ALK: variants seen among roughly 807,000 people sequenced by gnomAD.
ALK encodes the protein ALK receptor tyrosine kinase.
ALK carries 74 observed loss-of-function variants against 163.1 expected under a neutral mutation model. The observed-to-expected ratio is 0.45, with a 90% CI of 0.38 to 0.55. The LOEUF (loss-of-function observed/expected upper bound fraction) is 0.55. Ranked by LOEUF, ALK falls within the 20% of genes least tolerant of loss-of-function variation. The pLI is 0.00. For synonymous variants in ALK, 960 were observed against 843.2 expected (o/e 1.14, Z -2.40); for missense variants, 2,063 against 2,105.3 (o/e 0.98, Z 0.39).
intron 1 of ALK, among the ~76,000 whole-genome samples, chr2:29,901,709 G>A (rs1414831232): frequency 6.6e-6 from 1 of 152,170 alleles, no homozygotes; most frequent in Non-Finnish European, 1.5e-5. Context: ...AATATAAATT[G>A]TTGCTTTCCT....
intron 11 of ALK, among the ~76,000 whole-genome samples, chr2:29,255,004 T>TAAA (rs1404126005): frequency 2.6e-5 from 4 of 152,232 alleles, no homozygotes; most frequent in Non-Finnish European, 4.4e-5. Context: ...AAGTGGATTC[T>TAAA]GTGGGAAGAG....
chr2:29,634,056 G>T (rs915333435), intron 3 of ALK, among the ~76,000 whole-genome samples: 1 of 151,818 alleles, frequency 6.6e-6, no homozygotes, highest in South Asian at 2.1e-4. Flanking sequence ...ATATTTTAGA[G>T]AAAGAGTCTC....
At chr2:29,343,208 A>ATTT (rs1558684282) in intron 5 of ALK, among the ~76,000 whole-genome samples, 1 of 136,334 alleles carries the variant, frequency 7.3e-6, no homozygotes, top group Non-Finnish European at 1.6e-5. Context: ...AAAATTTAAA[A>ATTT]ATTTTTTTTT....
At chr2:29,416,646 C>T (rs946512769) in intron 4 of ALK, among the ~76,000 whole-genome samples, 1 of 152,072 alleles carries the variant, frequency 6.6e-6, no homozygotes, top group Non-Finnish European at 1.5e-5. Context: ...AGAAAGAATA[C>T]CCAGGATATT....
At chr2:29,402,712 A>C (rs182208289) in intron 4 of ALK, among the ~76,000 whole-genome samples, 40 of 152,290 alleles carry the variant, frequency 2.6e-4, no homozygotes, top group Non-Finnish European at 5.3e-4. Context: ...GAAGTCTAGG[A>C]CAATGGTGGT....
chr2:29,564,377 C>G (rs760128464), intron 3 of ALK, among the ~76,000 whole-genome samples: 3 of 152,066 alleles, frequency 2.0e-5, no homozygotes, highest in Non-Finnish European at 4.4e-5. Context: ...AATGGATCTT[C>G]CAATAAAAAT....
intron 1 of ALK, among the ~76,000 whole-genome samples, chr2:29,852,868 C>CAA (rs1666039179): frequency 7.8e-6 from 1 of 128,370 alleles, no homozygotes; most frequent in African/African-American, 2.8e-5. Flanking sequence ...CTCTCTCTCT[C>CAA]TCTGCTCTCT....
At chr2:29,291,112 C>T (rs1666010483) in intron 9 of ALK, among the ~76,000 whole-genome samples, 1 of 152,150 alleles carries the variant, frequency 6.6e-6, no homozygotes, top group Non-Finnish European at 1.5e-5. Flanking sequence ...CCTGTTATCC[C>T]AGCAGTTTGG....
chr2:29,891,160 AAG>A (rs994659133), intron 1 of ALK, among the ~76,000 whole-genome samples: 2 of 152,220 alleles, frequency 1.3e-5, no homozygotes, highest in African/African-American at 4.8e-5. Flanking sequence ...ATAGAGGAAA[AAG>A]AGGGGCCTTC....
intron 3 of ALK, among the ~76,000 whole-genome samples, chr2:29,545,311 C>T (rs1035777194): frequency 1.1e-4 from 16 of 152,198 alleles, no homozygotes; most frequent in African/African-American, 3.9e-4. Context: ...TTGTTCAAAG[C>T]AAACTGGGGC....
intron 8 of ALK, among the ~76,000 whole-genome samples, chr2:29,310,487 C>T (rs1359315483): frequency 6.6e-6 from 1 of 152,164 alleles, no homozygotes; most frequent in African/African-American, 2.4e-5. Flanking sequence ...TTCGAAGGCC[C>T]TCATTAAGAA....
intron 1 of ALK, among the ~76,000 whole-genome samples, chr2:29,862,913 A>T (rs1666331201): frequency 6.6e-6 from 1 of 152,164 alleles, no homozygotes; most frequent in Non-Finnish European, 1.5e-5. Flanking sequence ...GCACAAAAAC[A>T]GATGTATAGA....
intron 4 of ALK, among the ~76,000 whole-genome samples, chr2:29,390,442 T>C (rs1484525947): frequency 6.6e-6 from 1 of 152,238 alleles, no homozygotes. Flanking sequence ...GCCACACTGC[T>C]GGCATTCCTC....
intron 1 of ALK, among the ~76,000 whole-genome samples, chr2:29,770,778 C>A (rs756198652): frequency 1.8e-4 from 28 of 152,000 alleles, no homozygotes; most frequent in Non-Finnish European, 3.4e-4. Flanking sequence ...ATAAGAAAAG[C>A]AAATCACCAG....
chr2:29,584,062 A>T (rs1209964383), intron 3 of ALK, among the ~76,000 whole-genome samples: 4 of 152,148 alleles, frequency 2.6e-5, no homozygotes, highest in Non-Finnish European at 5.9e-5. Flanking sequence ...GCAAAAGCCA[A>T]ATGGGGTAGG....
intron 1 of ALK, among the ~76,000 whole-genome samples, chr2:29,718,096 G>A (rs867362409): frequency 2.0e-5 from 3 of 152,182 alleles, no homozygotes; most frequent in Non-Finnish European, 2.9e-5. Context: ...GTTCAGACTT[G>A]TAACTTCCTC....
intron 3 of ALK, among the ~76,000 whole-genome samples, chr2:29,670,466 TGA>T (rs1261281282): frequency 6.6e-6 from 1 of 152,062 alleles, no homozygotes; most frequent in Non-Finnish European, 1.5e-5. Context: ...TTCTGAACTT[TGA>T]GAGTTTGGTT....
chr2:29,490,859 A>C (rs1422278441), intron 4 of ALK, among the ~76,000 whole-genome samples: 1 of 152,196 alleles, frequency 6.6e-6, no homozygotes, highest in Non-Finnish European at 1.5e-5. Flanking sequence ...TGTAGTGATG[A>C]GCTTCAGTAG....
At chr2:29,428,101 C>G (rs906996535) in intron 4 of ALK, among the ~76,000 whole-genome samples, 1 of 151,848 alleles carries the variant, frequency 6.6e-6, no homozygotes, top group Non-Finnish European at 1.5e-5. Flanking sequence ...ATGCAACATA[C>G]CAAAACATAT....
Sources: allele counts gnomAD v4.1 joint callset (sites outside exome capture counted in the v4.1 genomes callset), GRCh38; gene constraint gnomAD v4.1.1; transcripts MANE v1.5; gene names NCBI Gene and HGNC (gene_info 2026-07-23, HGNC 2026-07-21).